The following C1D variants were observed in gnomAD, a reference collection of about 807,000 sequenced individuals.
The protein encoded by C1D is C1D nuclear receptor corepressor, also known as nuclear nucleic acid-binding protein C1D.
In C1D, 10 loss-of-function variants were observed where a neutral mutation model predicts 17.5. The ratio of observed to expected loss-of-function variants is 0.57; its 90% CI spans 0.35 to 0.97. The LOEUF (loss-of-function observed/expected upper bound fraction) is 0.97. Among genes scored for constraint, C1D ranks in the 50% least tolerant of loss-of-function variants. The probability of loss-of-function intolerance (pLI) is 0.01; values close to 1 mark genes in which losing one functional copy is unlikely to be tolerated. For missense variants in C1D, 136 were observed against 160.1 expected (o/e 0.85, Z 0.81); for synonymous variants, 49 against 54.0 (o/e 0.91, Z 0.40).
intron 1 of C1D, among the ~76,000 whole-genome samples, chr2:68,052,630 T>C (rs1355403410): frequency 2.0e-5 from 3 of 152,130 alleles, no homozygotes; most frequent in South Asian, 2.1e-4. Context: ...ACTGAAAGCA[T>C]GGTAGTAAGT....
chr2:68,051,286 A>C (rs1367099327), intron 1 of C1D, among the ~76,000 whole-genome samples: 2 of 152,180 alleles, frequency 1.3e-5, no homozygotes, highest in Non-Finnish European at 2.9e-5. Context: ...TGGGAGGCCA[A>C]GGCAGGAGGA....
At chr2:68,045,416 C>G (rs1022003702) in intron 4 of C1D, among the ~76,000 whole-genome samples, 1 of 151,914 alleles carries the variant, frequency 6.6e-6, no homozygotes, top group Non-Finnish European at 1.5e-5. Context: ...TCCAAGATAC[C>G]AGACCTTATA....
At chr2:68,057,663 A>G (rs1671478412) in intron 1 of C1D, among the ~76,000 whole-genome samples, 1 of 151,796 alleles carries the variant, frequency 6.6e-6, no homozygotes, top group South Asian at 2.1e-4. Context: ...ACATATTATA[A>G]TAATACTTAA....
intron 1 of C1D, chr2:68,053,230 C>T (rs1388070978): frequency 7.8e-6 from 12 of 1,543,020 alleles, no homozygotes; most frequent in African/African-American, 2.7e-5. Context: ...ACCTGGGTTG[C>T]GGGGATGCTG....
intron 1 of C1D, chr2:68,053,301 G>A (rs1671341319): frequency 6.2e-6 from 8 of 1,290,908 alleles, no homozygotes; most frequent in Non-Finnish European, 7.3e-6. Context: ...TTATACAGAA[G>A]CCAAAGTACC....
rs749009078 is a variant in C1D at position 68,047,261 on chromosome 2, T to A, written c.50A>T (p.Tyr17Phe). The part of the protein sequence containing the change: ...NEDYPVEIHE[Y>F]LSAFENSIGA... The stretch of plus-strand genomic sequence containing the variant: ...AATGGAATTCTCAAACGCTGACAAA[T>A]ACTCGTGAATTTCTACTGGATAGTC... Residue 17 changes from tyrosine to phenylalanine, a missense_variant, in exon 2 of 5, where the codon TAT becomes TTT. Tyr to Phe is a conservative substitution (Grantham distance 22). Coordinates refer to ENST00000410067, the MANE Select transcript of C1D (RefSeq NM_173177.3). 1.2e-5 allele frequency: 20 copies of A among 1,613,088 alleles called. No individual in the cohort carries two copies. In the East Asian group the frequency reaches 2.5e-4, roughly 20 times the overall value.
At chr2:68,050,461 T>C (rs1671248662) in intron 1 of C1D, among the ~76,000 whole-genome samples, 1 of 152,164 alleles carries the variant, frequency 6.6e-6, no homozygotes, top group African/African-American at 2.4e-5. Flanking sequence ...CTTACTTTTC[T>C]CTCAAAATTG....
intron 1 of C1D, among the ~76,000 whole-genome samples, chr2:68,047,718 C>CCATG (rs1186994998): frequency 1.3e-5 from 2 of 152,158 alleles, no homozygotes; most frequent in Admixed American, 1.3e-4. Context: ...CCCATTGCCA[C>CCATG]CATGCCCAGG....
chr2:68,047,359 G>A, intron 1 of C1D, 40 bp from the exon 2 acceptor site: 1 of 1,524,714 alleles, frequency 6.6e-7, no homozygotes, highest in Non-Finnish European at 8.9e-7. Flanking sequence ...ATTAGAGACA[G>A]AGCTTGTTCT....
In C1D at chr2:68,047,365, G is replaced by C. The variant is rs1191871118; in HGVS notation, c.-9-46C>G. ...TGAATTCATATTAGAGACAGAGCTTGTTCTTTAGTTTCCAAAAAAAAAAAT... is the reference window on the plus strand; with the variant it reads ...TGAATTCATATTAGAGACAGAGCTTCTTCTTTAGTTTCCAAAAAAAAAAAT... On this transcript the variant is annotated intron_variant, in intron 1 of 4. Coordinates refer to ENST00000410067, the MANE Select transcript of C1D (RefSeq NM_173177.3). 3 of 1,469,876 alleles carry C rather than the reference G, an allele frequency of 2.0e-6. No homozygotes were observed. The African/African-American group carries it at 4.3e-5, about 21-fold the overall frequency. 91.1% of individuals were successfully genotyped at this position (1,469,876 alleles called of 1,614,324 possible).
chr2:68,044,943 T>C (rs924904670), intron 4 of C1D, among the ~76,000 whole-genome samples: 1 of 152,170 alleles, frequency 6.6e-6, no homozygotes, highest in African/African-American at 2.4e-5. Flanking sequence ...AAACAGATGA[T>C]ACAAGCCATC....
Position 68,047,184 on chromosome 2 carries a change from A to G in C1D, c.127T>C (p.Leu43=). The change falls in exon 2 of 5, where the codon TTG becomes CTG. Residue 43 remains leucine, a synonymous_variant. Transcript: ENST00000410067. ...CATTTTTAAAATACCTTCTGCAACAACTCATTTCTAGAAACAGACATCATG... is the reference window on the plus strand; with the variant it reads ...CATTTTTAAAATACCTTCTGCAACAGCTCATTTCTAGAAACAGACATCATG... ...KTMMSVSRNE[L]LQKLDPLEQA... The G allele has an allele frequency of 6.2e-7, 1 of 1,602,670 alleles. No homozygotes were observed. The highest frequency in any genetic ancestry group is 8.5e-7 in the Non-Finnish European group (1 of 1,177,128).
At chr2:68,043,825 A>G (rs1671039751) in intron 4 of C1D, among the ~76,000 whole-genome samples, 1 of 152,198 alleles carries the variant, frequency 6.6e-6, no homozygotes, top group Non-Finnish European at 1.5e-5. Context: ...GCAGAATCTT[A>G]AAATGTTTTC....
rs1426640812 is a variant in C1D, at chr2:68,042,839, GGGGGGGGGA to G, written c.*41_*49del. ...ACAGAATTATTTTGCGGGGGGGGGG[GGGGGGGGGA>G]AGATGTACTTTTTGAATATGTGTAC... On this transcript the variant is annotated 3_prime_UTR_variant, in exon 5 of 5. Transcript: ENST00000410067. 33 of 387,354 alleles carry G rather than the reference GGGGGGGGGA, an allele frequency of 8.5e-5. No individual in the cohort carries two copies. The highest frequency in any genetic ancestry group is 4.6e-4 in the South Asian group (16 of 35,074). 24.0% of individuals were successfully genotyped at this position (387,354 alleles called of 1,614,324 possible).
chr2:68,054,729 A>G (rs1321861797), intron 1 of C1D, among the ~76,000 whole-genome samples: 1 of 152,058 alleles, frequency 6.6e-6, no homozygotes, highest in East Asian at 1.9e-4. Context: ...TGGGAGACTG[A>G]CAGGAGGATC....
chr2:68,046,917 G>C (rs1277384255), intron 2 of C1D, among the ~76,000 whole-genome samples: 1 of 151,798 alleles, frequency 6.6e-6, no homozygotes, highest in Non-Finnish European at 1.5e-5. Context: ...GTCAAAGATA[G>C]AGTCTGTCAA....
intron 1 of C1D, among the ~76,000 whole-genome samples, chr2:68,051,242 G>A (rs556291159): frequency 5.9e-5 from 9 of 152,258 alleles, no homozygotes; most frequent in Non-Finnish European, 1.2e-4. Context: ...CAGTGGGCCC[G>A]GCCTGGTGGC....
At position 68,043,858 on chromosome 2, in the gene C1D, G is replaced by T. The variant is rs115785417; in HGVS notation, c.262-805C>A. ...TTCATTGTGAAAGACTGGCAACTCT[G>T]CTCCACACTCTCTAGTGACGTCCCA... is the stretch of plus-strand genomic sequence containing the variant. On this transcript the variant is annotated intron_variant, in intron 4 of 4. Coordinates refer to ENST00000410067, the MANE Select transcript of C1D (RefSeq NM_173177.3). Among the ~76,000 whole-genome samples the T allele has an allele frequency of 5.4e-4, 83 of 152,324 alleles. No individual in the cohort carries two copies. In the South Asian group the frequency reaches 0.011, roughly 19 times the overall value.
chr2:68,054,364 T>C (rs1354772644), intron 1 of C1D, among the ~76,000 whole-genome samples: 3 of 152,180 alleles, frequency 2.0e-5, no homozygotes, highest in Non-Finnish European at 4.4e-5. Flanking sequence ...AAGAGAGTTA[T>C]GGCAAGAAAC....
Sources: gnomAD v4.1 joint callset for allele counts (sites outside exome capture counted in the v4.1 genomes callset) on GRCh38, gnomAD v4.1.1 for gene constraint, MANE v1.5 for transcripts, NCBI Gene and HGNC (gene_info 2026-07-23, HGNC 2026-07-21) for gene names.